GPATCH2: variants seen among roughly 807,000 people sequenced by gnomAD.
The protein encoded by GPATCH2 is G patch domain-containing protein 2.
In GPATCH2, 51 loss-of-function variants were observed where a neutral mutation model predicts 58.0. That is an observed-to-expected ratio of 0.88 (90% CI 0.70 to 1.11). The LOEUF is 1.11. Ranked by LOEUF, GPATCH2 falls within the 50% of genes most tolerant of loss-of-function variation. The probability of loss-of-function intolerance (pLI) is 0.00; values close to 1 mark genes in which losing one functional copy is unlikely to be tolerated. For synonymous variants in GPATCH2, 222 were observed against 218.5 expected, an observed-to-expected ratio of 1.02 and a Z score of -0.14; for missense variants, 625 against 652.2, an observed-to-expected ratio of 0.96 and a Z score of 0.45.
At chr1:217,435,189 C>T (rs530534381) in intron 9 of GPATCH2, among the ~76,000 whole-genome samples, 1 of 152,258 alleles carries the variant, frequency 6.6e-6, no homozygotes, top group African/African-American at 2.4e-5. Flanking sequence ...TGTTAAAATC[C>T]TTTAAGACCT....
intron 8 of GPATCH2, among the ~76,000 whole-genome samples, chr1:217,483,533 G>A (rs1661312116): frequency 6.6e-6 from 1 of 151,990 alleles, no homozygotes; most frequent in African/African-American, 2.4e-5. Flanking sequence ...CACCCAGGCT[G>A]GAGTGCAGTG....
intron 5 of GPATCH2, among the ~76,000 whole-genome samples, chr1:217,590,767 G>C (rs1196751509): frequency 2.6e-5 from 4 of 152,140 alleles, no homozygotes; most frequent in African/African-American, 9.7e-5. Flanking sequence ...ATAAATGAGT[G>C]ATAATAGTTC....
intron 8 of GPATCH2, among the ~76,000 whole-genome samples, chr1:217,484,676 T>G (rs1035644760): frequency 6.7e-6 from 1 of 150,092 alleles, no homozygotes; most frequent in African/African-American, 2.4e-5. Context: ...TATACACGTG[T>G]ATACACATAT....
intron 5 of GPATCH2, among the ~76,000 whole-genome samples, chr1:217,592,897 G>T (rs1325431445): frequency 6.6e-6 from 1 of 151,854 alleles, no homozygotes; most frequent in African/African-American, 2.4e-5. Context: ...TACTTACATG[G>T]AATGATAGTA....
intron 9 of GPATCH2, among the ~76,000 whole-genome samples, chr1:217,442,130 G>A (rs924212786): frequency 6.6e-6 from 1 of 152,120 alleles, no homozygotes; most frequent in African/African-American, 2.4e-5. Context: ...AAGAAAATGT[G>A]GCACATATGC....
At chr1:217,488,861 A>ATTT (rs34590445) in intron 8 of GPATCH2, among the ~76,000 whole-genome samples, 1 of 143,830 alleles carries the variant, frequency 7.0e-6, no homozygotes. Flanking sequence ...ACTATTTAAA[A>ATTT]TTTTTTTTTT....
chr1:217,431,130 T>C lies in GPATCH2; in HGVS notation c.*15A>G. Reference sequence around the variant, plus strand: ...TAGTGAATAAAGTCTGTAAAACATTTCTTCTTTGCTTTTCTTAGGCGGATT... The same window carrying C: ...TAGTGAATAAAGTCTGTAAAACATTCCTTCTTTGCTTTTCTTAGGCGGATT... On this transcript the variant is annotated 3_prime_UTR_variant, in exon 10 of 10. Transcript: ENST00000366935. 8.5e-7 allele frequency: 1 copy of C among 1,178,414 alleles called. No individual in the cohort carries two copies. The allele number at this position is 1,178,414 out of a possible 1,614,324, so 73.0% of individuals were successfully genotyped here. A position where few individuals can be genotyped will look rare whatever the true frequency, so the allele number is the denominator to read the frequency against.
In GPATCH2 at chr1:217,431,321, C is replaced by T. The variant is rs773369456; in HGVS notation, c.1411G>A (p.Gly471Arg). 1.3e-5 allele frequency: 21 copies of T among 1,609,304 alleles called. No homozygotes were observed. The East Asian group carries it at 4.0e-4, about 31-fold the overall frequency. Residue 471 changes from glycine (G) to arginine (R), a missense_variant, in exon 10 of 10, where the codon GGA (glycine) becomes AGA (arginine). By Grantham distance (125) the Gly-to-Arg change is moderately radical. Transcript: ENST00000366935. ...CCCATATTCTGAAGCATTCGGTTTCCAATATTATTTTCTAGGATTGGCTGG... is the reference window on the plus strand; with the variant it reads ...CCCATATTCTGAAGCATTCGGTTTCTAATATTATTTTCTAGGATTGGCTGG... ...NAQPILENNI[G>R]NRMLQNMGWT... is the part of the protein sequence containing the mutation.
intron 5 of GPATCH2, among the ~76,000 whole-genome samples, chr1:217,515,543 A>G (rs1663091221): frequency 6.6e-6 from 1 of 151,974 alleles, no homozygotes; most frequent in Non-Finnish European, 1.5e-5. Flanking sequence ...CCCCATCTCT[A>G]TTACAAATGC....
chr1:217,594,374 GAAGT>G (rs898168480), intron 5 of GPATCH2, among the ~76,000 whole-genome samples: 8 of 152,002 alleles, frequency 5.3e-5, no homozygotes, highest in African/African-American at 1.9e-4. Flanking sequence ...ATAACCAACA[GAAGT>G]AAAACTGACT....
At chr1:217,481,053 T>C (rs888503148) in intron 8 of GPATCH2, among the ~76,000 whole-genome samples, 1 of 151,896 alleles carries the variant, frequency 6.6e-6, no homozygotes, top group Non-Finnish European at 1.5e-5. Context: ...AATTAATGGG[T>C]ACAAAACAAA....
At chr1:217,578,297 T>C (rs1388963556) in intron 5 of GPATCH2, among the ~76,000 whole-genome samples, 3 of 152,228 alleles carry the variant, frequency 2.0e-5, no homozygotes, top group South Asian at 4.1e-4. Flanking sequence ...GGCATGATCA[T>C]AGCTCACTAC....
At chr1:217,499,176 A>G (rs1241157922) in intron 6 of GPATCH2, among the ~76,000 whole-genome samples, 1 of 152,206 alleles carries the variant, frequency 6.6e-6, no homozygotes, top group Non-Finnish European at 1.5e-5. Context: ...GTATTATGGC[A>G]AATCAATCAC....
At chr1:217,556,044 G>A (rs902633321) in intron 5 of GPATCH2, among the ~76,000 whole-genome samples, 1 of 152,106 alleles carries the variant, frequency 6.6e-6, no homozygotes, top group Non-Finnish European at 1.5e-5. Context: ...GATATGTAAT[G>A]AATGGAATTA....
At chr1:217,494,012 C>T (rs1308373075) in intron 7 of GPATCH2, among the ~76,000 whole-genome samples, 1 of 151,874 alleles carries the variant, frequency 6.6e-6, no homozygotes, top group Non-Finnish European at 1.5e-5. Context: ...ATTATAAGGA[C>T]CAAAATAAAC....
intron 8 of GPATCH2, among the ~76,000 whole-genome samples, chr1:217,466,455 G>A (rs1660453312): frequency 6.6e-6 from 1 of 152,028 alleles, no homozygotes; most frequent in Non-Finnish European, 1.5e-5. Flanking sequence ...AAACTCCTGG[G>A]CTCAAGCTAT....
chr1:217,511,249 C>G lies in GPATCH2; in HGVS notation c.1166+3573G>C, dbSNP rs769237242. Among the ~76,000 whole-genome samples the G allele has an allele frequency of 7.6e-4, 115 of 152,092 alleles. 1 individual carries two copies. The highest frequency in any genetic ancestry group is 1.4e-3 in the Non-Finnish European group (97 of 68,026). Reference sequence around the variant, plus strand: ...ATATCTGAAATATCTCTGTTTACAGCCCGGAAAGATTTTATACTGTGCACC... The same window carrying G: ...ATATCTGAAATATCTCTGTTTACAGGCCGGAAAGATTTTATACTGTGCACC... On this transcript the variant is annotated intron_variant, in intron 6 of 9. Transcript: ENST00000366935.
chr1:217,564,329 G>C (rs1287465433), intron 5 of GPATCH2, among the ~76,000 whole-genome samples: 1 of 152,138 alleles, frequency 6.6e-6, no homozygotes, highest in African/African-American at 2.4e-5. Context: ...ATGAGGTTTT[G>C]ACATTATCTC....
chr1:217,427,146 C>T lies in GPATCH2; in HGVS notation c.*3999G>A, dbSNP rs1270192223. On this transcript the variant is annotated 3_prime_UTR_variant, in exon 10 of 10. Coordinates refer to ENST00000366935, the MANE Select transcript of GPATCH2 (RefSeq NM_018040.5). ...CCAAAAGGAAATGGAGTGATTGTAA[C>T]AGATTTGAACTCTGATACTTTAAGT... The T allele has an allele frequency of 6.6e-6, 1 of 152,052 alleles. No individual in the cohort carries two copies. The highest frequency in any genetic ancestry group is 1.5e-5 in the Non-Finnish European group (1 of 68,000). 9.4% of individuals were successfully genotyped at this position (152,052 alleles called of 1,614,324 possible). A position where few individuals can be genotyped will look rare whatever the true frequency, so the allele number is the denominator to read the frequency against.
Sources: allele counts gnomAD v4.1 joint callset (sites outside exome capture counted in the v4.1 genomes callset), GRCh38; gene constraint gnomAD v4.1.1; transcripts MANE v1.5; gene names NCBI Gene and HGNC (gene_info 2026-07-23, HGNC 2026-07-21).